Variants in ABCA13 observed in about 807,000 individuals in gnomAD.
The protein encoded by ABCA13 is ATP-binding cassette sub-family A member 13.
Under a neutral mutation model 478.7 loss-of-function variants are expected in ABCA13, and 476 were observed. The observed-to-expected ratio is 0.99, with a 90% confidence interval of 0.92 to 1.07. ABCA13 has a LOEUF of 1.07. Ranked by LOEUF, ABCA13 falls within the 50% of genes least tolerant of loss-of-function variation. The probability of loss-of-function intolerance (pLI) is 0.00; values close to 1 mark genes in which losing one functional copy is unlikely to be tolerated. For synonymous variants in ABCA13, 2,252 were observed against 2,158.9 expected (o/e 1.04, Z -1.20); for missense variants, 6,060 against 5,910.6 (o/e 1.03, Z -0.83).
chr7:48,426,154 CTTA>C (rs1221354659), intron 41 of ABCA13, among the ~76,000 whole-genome samples: 7 of 151,940 alleles, frequency 4.6e-5, no homozygotes, highest in East Asian at 1.9e-4. Flanking sequence ...CATTCTTCTT[CTTA>C]TTATTATTTG....
chr7:48,434,391 C>T (rs978658287), intron 42 of ABCA13, among the ~76,000 whole-genome samples: 24 of 151,792 alleles, frequency 1.6e-4, no homozygotes, highest in Middle Eastern at 6.8e-3. Context: ...TGTAGAAGTT[C>T]GTTGTTTTCT....
intron 58 of ABCA13, among the ~76,000 whole-genome samples, chr7:48,601,566 G>A (rs1474841215): frequency 1.3e-5 from 2 of 152,080 alleles, no homozygotes; most frequent in African/African-American, 4.8e-5. Flanking sequence ...TCTTTTTTAT[G>A]GCTGCATAAT....
chr7:48,314,484 G>C, intron 26 of ABCA13, 75 bp downstream of exon 26: 2 of 1,311,882 alleles, frequency 1.5e-6, no homozygotes, highest in Non-Finnish European at 2.1e-6. Flanking sequence ...ATTATAGTAA[G>C]TATTCTGTCT....
At chr7:48,529,591 T>C (rs908236465) in intron 55 of ABCA13, among the ~76,000 whole-genome samples, 13 of 152,348 alleles carry the variant, frequency 8.5e-5, no homozygotes, top group East Asian at 5.8e-4. Context: ...TTATATGTTC[T>C]TGACCCTAGT....
chr7:48,198,256 T>C lies in ABCA13; in HGVS notation c.183T>C (p.Asp61=), dbSNP rs749918138. 1.2e-6 allele frequency: 2 copies of C among 1,612,958 alleles called. No individual in the cohort carries two copies. Among genetic ancestry groups the C allele is most frequent in the South Asian group, 1.1e-5 (1 of 90,726 alleles). Residue 61 remains aspartate (D), a synonymous_variant, in exon 3 of 62, where the codon GAT becomes GAC. Coordinates refer to ENST00000435803, the MANE Select transcript of ABCA13 (RefSeq NM_152701.5). The stretch of plus-strand genomic sequence containing the variant: ...TTCTAGGTTATTTGCAGCCCCGAGA[T>C]CTACCCAGCTGTGGTGTTATCCCCT... ...YRDICYLQPR[D]LPSCGVIPFV...
At position 48,566,304 on chromosome 7, in the gene ABCA13, A is replaced by C. The variant is rs545923705; in HGVS notation, c.14355-13920A>C. ...TCATGATAAAAGCCACTTGAAGCTC[A>C]CTTTTCTGTCCCACCCAGGACTAAA... On this transcript the variant is annotated intron_variant, in intron 55 of 61. Coordinates refer to ENST00000435803, the MANE Select transcript of ABCA13 (RefSeq NM_152701.5). Among the ~76,000 whole-genome samples, 71 of 152,322 alleles carry C rather than the reference A, an allele frequency of 4.7e-4. 1 individual carries two copies. The South Asian group carries it at 7.0e-3, about 15-fold the overall frequency.
At position 48,455,053 on chromosome 7, in the gene ABCA13, G is replaced by A. The variant is rs1237623311; in HGVS notation, c.12582G>A (p.Arg4194=). 3.3e-6 allele frequency: 5 copies of A among 1,530,096 alleles called. No homozygotes were observed. Among genetic ancestry groups the A allele is most frequent in the Non-Finnish European group, 4.4e-6 (5 of 1,140,404 alleles). 94.8% of individuals were successfully genotyped at this position (1,530,096 alleles called of 1,614,324 possible). Residue 4194 remains arginine, a synonymous_variant, in exon 43 of 62, where the codon CGG becomes CGA. Transcript: ENST00000435803. ...HLSGYCGSLA[R]PATVQGVQLL... ...GTCCTGCAGGTGGCTCCCTAGCACG[G>A]CCCGCAACTGTGCAGGGCGTCCAGC...
chr7:48,245,342 T>G (rs1791505967), intron 11 of ABCA13, among the ~76,000 whole-genome samples, 170 bp from the exon 12 acceptor site: 1 of 152,182 alleles, frequency 6.6e-6, no homozygotes. Flanking sequence ...CAAAATGATA[T>G]TACAATGACT....
chr7:48,187,925 C>T (rs1796584964), intron 1 of ABCA13, among the ~76,000 whole-genome samples: 1 of 152,006 alleles, frequency 6.6e-6, no homozygotes. Flanking sequence ...TGGTTTATTT[C>T]CTTCCTAATG....
At chr7:48,233,208 A>G (rs1384179412) in intron 7 of ABCA13, among the ~76,000 whole-genome samples, 1 of 152,104 alleles carries the variant, frequency 6.6e-6, no homozygotes, top group African/African-American at 2.4e-5. Context: ...AATTATAAGG[A>G]TCCTATGAGA....
chr7:48,221,354 A>C (rs774227804), intron 5 of ABCA13, 45 bp downstream of exon 5: 1 of 952,698 alleles, frequency 1.0e-6, no homozygotes, highest in African/African-American at 1.7e-5. Context: ...TCAGAGACAG[A>C]ATGGTTAAGT....
At chr7:48,376,889 G>C (rs1303566176) in intron 35 of ABCA13, among the ~76,000 whole-genome samples, 1 of 152,098 alleles carries the variant, frequency 6.6e-6, no homozygotes. Flanking sequence ...AGAGTGTTTG[G>C]GGAGGGCAGG....
At chr7:48,310,937 T>C (rs1413855316) in intron 24 of ABCA13, among the ~76,000 whole-genome samples, 1 of 152,108 alleles carries the variant, frequency 6.6e-6, no homozygotes, top group East Asian at 1.9e-4. Flanking sequence ...TTTGAATCTT[T>C]ACTTAAGTTT....
chr7:48,467,536 T>A (rs1441226051), intron 44 of ABCA13, among the ~76,000 whole-genome samples: 2 of 152,350 alleles, frequency 1.3e-5, no homozygotes, highest in East Asian at 1.9e-4. Context: ...GTTATTGTGA[T>A]GATCTTTCTA....
At chr7:48,461,356 G>A (rs773650774) in intron 43 of ABCA13, among the ~76,000 whole-genome samples, 1 of 152,154 alleles carries the variant, frequency 6.6e-6, no homozygotes, top group Non-Finnish European at 1.5e-5. Context: ...ACTCTGGACC[G>A]ACTTTGCATG....
intron 2 of ABCA13, among the ~76,000 whole-genome samples, chr7:48,195,620 G>T (rs1797821575): frequency 6.6e-6 from 1 of 152,140 alleles, no homozygotes; most frequent in South Asian, 2.1e-4. Context: ...GAATTTGAGG[G>T]ACTCTTGTGA....
intron 59 of ABCA13, among the ~76,000 whole-genome samples, chr7:48,624,682 A>G (rs1190559490): frequency 6.6e-6 from 1 of 151,738 alleles, no homozygotes; most frequent in African/African-American, 2.4e-5. Context: ...TAGCCTCCCA[A>G]GTAGCTGGGA....
chr7:48,321,443 G>T lies in ABCA13; in HGVS notation c.9999+4147G>T, dbSNP rs1803442750. Reference sequence around the variant, plus strand: ...CTGGTGATGGTCCCAAACAGGGGCTGTGGGATGATGGAGGAGCTGCAAGCT... The same window carrying T: ...CTGGTGATGGTCCCAAACAGGGGCTTTGGGATGATGGAGGAGCTGCAAGCT... On this transcript the variant is annotated intron_variant, in intron 27 of 61. Transcript: ENST00000435803. Among the ~76,000 whole-genome samples the T allele has an allele frequency of 3.3e-5, 5 of 152,340 alleles. No individual in the cohort carries two copies. The South Asian group carries it at 1.0e-3, about 32-fold the overall frequency.
At chr7:48,283,343 A>G (rs959028217) in intron 19 of ABCA13, among the ~76,000 whole-genome samples, 3 of 152,066 alleles carry the variant, frequency 2.0e-5, no homozygotes, top group African/African-American at 7.2e-5. Flanking sequence ...AAAAAAGATA[A>G]ATTTTTCTTT....
Sources: gnomAD v4.1 joint callset for allele counts (sites outside exome capture counted in the v4.1 genomes callset) on GRCh38, gnomAD v4.1.1 for gene constraint, MANE v1.5 for transcripts, NCBI Gene and HGNC (gene_info 2026-07-23, HGNC 2026-07-21) for gene names.